Variants in STK10 observed in about 807,000 individuals in gnomAD.
The protein encoded by STK10 is serine/threonine kinase 10.
STK10 carries 78 observed loss-of-function variants against 113.8 expected under a neutral mutation model. The observed-to-expected ratio is 0.69, with a 90% CI of 0.57 to 0.83. The LOEUF is 0.83. STK10 is among the 40% of genes least tolerant of loss of function. The pLI is 0.00. For synonymous variants in STK10, 465 were observed against 494.7 expected, an observed-to-expected ratio of 0.94 and a Z score of 0.80; for missense variants, 1,109 against 1,280.1, an observed-to-expected ratio of 0.87 and a Z score of 2.04.
rs369374099 is a variant in STK10 at position 172,164,667 on chromosome 5, T to C, written c.157-7879A>G. On this transcript the variant is annotated intron_variant, in intron 1 of 18. Coordinates refer to ENST00000176763, the MANE Select transcript of STK10 (RefSeq NM_005990.4). ...CCCCTATATGGGGGAGGATGGATGG[T>C]GAAATGATGTCCAACTCTCTCCATG... Among the ~76,000 whole-genome samples, 26 of 152,070 alleles carry C rather than the reference T, an allele frequency of 1.7e-4. No individual in the cohort carries two copies. In the South Asian group the frequency reaches 5.4e-3, roughly 32 times the overall value.
At chr5:172,174,237 T>A (rs1181928839) in intron 1 of STK10, among the ~76,000 whole-genome samples, 1 of 152,116 alleles carries the variant, frequency 6.6e-6, no homozygotes, top group Non-Finnish European at 1.5e-5. Flanking sequence ...AGTGGCGCAA[T>A]CTCAGCTCAC....
At chr5:172,153,098 C>T (rs1367200306) in intron 2 of STK10, among the ~76,000 whole-genome samples, 7 of 151,970 alleles carry the variant, frequency 4.6e-5, no homozygotes, top group African/African-American at 2.4e-5. Context: ...ACCAGCCTGA[C>T]CAACATGGAG....
chr5:172,118,113 A>G (rs1300537521), intron 3 of STK10, among the ~76,000 whole-genome samples: 1 of 152,056 alleles, frequency 6.6e-6, no homozygotes, highest in Non-Finnish European at 1.5e-5. Flanking sequence ...TTGTCTTCAT[A>G]ACAGTCCTAT....
intron 1 of STK10, among the ~76,000 whole-genome samples, chr5:172,158,678 T>A (rs530900089): frequency 8.5e-5 from 13 of 152,082 alleles, no homozygotes; most frequent in African/African-American, 3.1e-4. Context: ...ATGCGGTATA[T>A]CCACACACTA....
chr5:172,056,678 G>A (rs989092819), intron 15 of STK10, among the ~76,000 whole-genome samples: 8 of 151,222 alleles, frequency 5.3e-5, no homozygotes, highest in African/African-American at 1.7e-4. Context: ...GACCAGCCTG[G>A]CCAACAGGGT....
At chr5:172,100,365 T>C (rs1768960782) in intron 7 of STK10, among the ~76,000 whole-genome samples, 1 of 152,206 alleles carries the variant, frequency 6.6e-6, no homozygotes, top group South Asian at 2.1e-4. Context: ...AACCGGCAGC[T>C]GCTCTCTAGC....
intron 12 of STK10, among the ~76,000 whole-genome samples, chr5:172,076,118 G>C (rs1768299007): frequency 6.6e-6 from 1 of 151,864 alleles, no homozygotes; most frequent in Admixed American, 6.6e-5. Context: ...TGACCTTGAG[G>C]GTGGAGAGTT....
Position 172,090,301 on chromosome 5 carries a change from T to G in STK10, c.1616A>C (p.Glu539Ala). Residue 539 changes from glutamate (E) to alanine (A), a missense_variant, in exon 10 of 19, where the codon GAG (glutamate) becomes GCG (alanine). By Grantham distance (107) the Glu-to-Ala change is moderately radical. Transcript: ENST00000176763. Reference sequence around the variant, plus strand: ...GATCTTGGAGGTGGTGATGCTCACCTCCACACCATCCACCACAAATTTGCG... The same window carrying G: ...GATCTTGGAGGTGGTGATGCTCACCGCCACACCATCCACCACAAATTTGCG... ...RTRKFVVDGV[E>A]VSITTSKIIS... 1 of 1,614,118 alleles carries G rather than the reference T, an allele frequency of 6.2e-7. No individual in the cohort carries two copies. The highest frequency in any genetic ancestry group is 8.5e-7 in the Non-Finnish European group (1 of 1,180,010).
In STK10 at chr5:172,080,177, G is replaced by A. The variant is rs886324176; in HGVS notation, c.1989+2149C>T. Among the ~76,000 whole-genome samples the A allele has an allele frequency of 7.9e-5, 12 of 152,056 alleles. No individual in the cohort carries two copies. The South Asian group carries it at 1.2e-3, about 16-fold the overall frequency. On this transcript the variant is annotated intron_variant, in intron 12 of 18. Transcript: ENST00000176763. The stretch of plus-strand genomic sequence containing the variant: ...TCCTGTAATTGTTATAGGGTGCCAC[G>A]AGCCCATATAAGACAGCAAACTTAA...
chr5:172,101,398 G>C (rs893368302), intron 7 of STK10, among the ~76,000 whole-genome samples: 65 of 152,052 alleles, frequency 4.3e-4, no homozygotes, highest in East Asian at 3.9e-4. Context: ...TTGAACCCAG[G>C]GGGTGGAGGC....
rs1768458349 is a variant in STK10, at chr5:172,082,595, T to C, written c.1810-90A>G. ...AGTGGAATGGGGAGAACTCAGAGCT[T>C]GTGATCAGACCTAAGCTTGAATCCC... On this transcript the variant is annotated intron_variant, in intron 11 of 18. Transcript: ENST00000176763. The surrounding 1 kb of genome is among the most constrained non-coding windows in gnomAD (Gnocchi z 4.3). 2 of 1,456,202 alleles carry C rather than the reference T, an allele frequency of 1.4e-6. No individual in the cohort carries two copies. Among genetic ancestry groups the C allele is most frequent in the Non-Finnish European group, 1.8e-6 (2 of 1,088,644 alleles). The allele number at this position is 1,456,202 out of a possible 1,614,324, so 90.2% of individuals were successfully genotyped here. A position where few individuals can be genotyped will look rare whatever the true frequency, so the allele number is the denominator to read the frequency against.
intron 4 of STK10, 69 bp downstream of exon 4, chr5:172,117,412 G>A (rs1769411343): frequency 6.3e-7 from 1 of 1,584,224 alleles, no homozygotes. Context: ...CCACTGGCCT[G>A]CAGAGGCCAG....
chr5:172,148,707 C>A (rs1033041184), intron 2 of STK10, among the ~76,000 whole-genome samples: 4 of 152,222 alleles, frequency 2.6e-5, no homozygotes, highest in Non-Finnish European at 5.9e-5. Flanking sequence ...CAGATTACAT[C>A]CTTTGAACTG....
At chr5:172,137,724 CAAAAAAAA>C (rs34773105) in intron 2 of STK10, among the ~76,000 whole-genome samples, 2 of 91,036 alleles carry the variant, frequency 2.2e-5, no homozygotes, top group African/African-American at 7.8e-5. Context: ...ACTAAAAATA[CAAAAAAAA>C]AAAAAAAAAA....
chr5:172,109,080 C>T (rs773078928), intron 4 of STK10, among the ~76,000 whole-genome samples: 1 of 152,012 alleles, frequency 6.6e-6, no homozygotes, highest in Non-Finnish European at 1.5e-5. Flanking sequence ...CCACTGCGCC[C>T]GGCCTTACTG....
chr5:172,118,522 G>A (rs143983942), intron 3 of STK10, among the ~76,000 whole-genome samples: 198 of 152,200 alleles, frequency 1.3e-3, no homozygotes, highest in Non-Finnish European at 2.5e-3. Flanking sequence ...GAATAGGTGG[G>A]GCGAGGGCAC....
intron 10 of STK10, among the ~76,000 whole-genome samples, chr5:172,087,107 A>AGT (rs201052929): frequency 0.054 from 6,948 of 128,860 alleles, 253 homozygotes; most frequent in South Asian, 0.14. Flanking sequence ...AGATGACACC[A>AGT]GTGTGTGTGT....
At chr5:172,134,482 G>A (rs1322044460) in intron 2 of STK10, among the ~76,000 whole-genome samples, 1 of 152,096 alleles carries the variant, frequency 6.6e-6, no homozygotes, top group East Asian at 1.9e-4. Context: ...CTAAATATGT[G>A]TCAAAGGGTA....
chr5:172,097,332 G>A (rs768792737), intron 7 of STK10, among the ~76,000 whole-genome samples: 5 of 152,226 alleles, frequency 3.3e-5, no homozygotes, highest in Non-Finnish European at 7.3e-5. Context: ...GAGCCACTGT[G>A]CCCAGCCTCA....
Sources: gnomAD v4.1 joint callset for allele counts (sites outside exome capture counted in the v4.1 genomes callset) on GRCh38, gnomAD v4.1.1 for gene constraint, Gnocchi (gnomAD v3.1) non-coding constraint, MANE v1.5 for transcripts, NCBI Gene and HGNC (gene_info 2026-07-23, HGNC 2026-07-21) for gene names.